ARHGAP27: variants seen among roughly 807,000 people sequenced by gnomAD.
ARHGAP27 encodes the protein Rho GTPase activating protein 27.
Under a neutral mutation model 102.0 loss-of-function variants are expected in ARHGAP27, and 53 were observed. That is an observed-to-expected ratio of 0.52 (90% confidence interval 0.42 to 0.65). The LOEUF is 0.65. ARHGAP27 is among the 30% of genes least tolerant of loss of function. The probability of loss-of-function intolerance (pLI) is 0.00; values close to 1 mark genes in which losing one functional copy is unlikely to be tolerated. For synonymous variants in ARHGAP27, 525 were observed against 542.8 expected, an observed-to-expected ratio of 0.97 and a Z score of 0.46; for missense variants, 1,117 against 1,256.2, an observed-to-expected ratio of 0.89 and a Z score of 1.68.
chr17:45,411,903 AGAGAG>A (rs2047956140), intron 4 of ARHGAP27, among the ~76,000 whole-genome samples: 1 of 152,314 alleles, frequency 6.6e-6, no homozygotes, highest in South Asian at 2.1e-4. Flanking sequence ...TGTAAATTCC[AGAGAG>A]GCCAGAAACT....
chr17:45,404,017 A>G lies in ARHGAP27; in HGVS notation c.1547+12T>C, dbSNP rs551141554. On this transcript the variant is annotated intron_variant, in intron 10 of 19. Transcript: ENST00000685559. ...CCACCCTGCCCCGGCCTGAGTGTAG[A>G]TGGGCTCTCACCGGAGCCGCTTTCC... 8 of 1,613,724 alleles carry G rather than the reference A, an allele frequency of 5.0e-6. No individual in the cohort carries two copies. Among genetic ancestry groups the G allele is most frequent in the South Asian group, 1.1e-5 (1 of 91,044 alleles).
At chr17:45,397,046 G>A (rs1359251807) in intron 13 of ARHGAP27, 22 bp from the exon 14 acceptor site, 42 of 1,600,356 alleles carry the variant, frequency 2.6e-5, no homozygotes, top group Non-Finnish European at 3.6e-5. Flanking sequence ...TAGCCTCAGA[G>A]AGGCGGGGCC....
At chr17:45,410,533 C>G in intron 4 of ARHGAP27, 2 of 901,932 alleles carry the variant, frequency 2.2e-6, no homozygotes, top group Non-Finnish European at 3.1e-6. Context: ...CTGGCTGCCC[C>G]ACTCAGTGCT....
At chr17:45,403,768 C>G (rs1362423341) in intron 10 of ARHGAP27, 59 bp from the exon 11 acceptor site, 2 of 1,405,144 alleles carry the variant, frequency 1.4e-6, no homozygotes, top group East Asian at 2.3e-5. Context: ...GGGCTGAGGG[C>G]CCCTCCTACC....
In ARHGAP27 at chr17:45,396,500, G is replaced by C; in HGVS notation, c.2160C>G (p.Ala720=). ...VPRFVQQCIR[A]VEARGLDIDG... ...CAGCGCACGTACCGCGGGCCTCGAC[G>C]GCGCGGATGCACTGCTGCACGAAGC... The change falls in exon 16 of 20, where the codon GCC becomes GCG. Residue 720 remains alanine, a synonymous_variant. Coordinates refer to ENST00000685559, the MANE Select transcript of ARHGAP27 (RefSeq NM_001282290.2). 6.5e-7 allele frequency: 1 copy of C among 1,550,060 alleles called. No individual in the cohort carries two copies. Among genetic ancestry groups the C allele is most frequent in the Non-Finnish European group, 8.7e-7 (1 of 1,153,558 alleles).
chr17:45,402,250 G>T (rs1026406736), intron 12 of ARHGAP27, among the ~76,000 whole-genome samples: 1 of 152,132 alleles, frequency 6.6e-6, no homozygotes, highest in African/African-American at 2.4e-5. Flanking sequence ...GGAGCCTCCT[G>T]TCTCTCTCAG....
chr17:45,405,769 G>A lies in ARHGAP27; in HGVS notation c.972C>T (p.Gly324=). The change falls in exon 5 of 20, where the codon GGC becomes GGT. Residue 324 remains glycine, a synonymous_variant. Transcript: ENST00000685559. The part of the protein sequence containing the change: ...RRVFFYNPLT[G]ETAWEDEAEN... ...CGGCCTCGTCCTCCCAGGCCGTCTC[G>A]CCCGTCAGCGGGTTGTAGAAGAACA... is the stretch of plus-strand genomic sequence containing the variant. The A allele has an allele frequency of 6.3e-7, 1 of 1,580,990 alleles. No individual in the cohort carries two copies. Among genetic ancestry groups the A allele is most frequent in the African/African-American group, 1.3e-5 (1 of 74,660 alleles).
intron 13 of ARHGAP27, 130 bp from the exon 14 acceptor site, chr17:45,397,154 C>G (rs1259509528): frequency 4.1e-6 from 6 of 1,466,494 alleles, no homozygotes; most frequent in Non-Finnish European, 5.4e-6. Context: ...GTCCTCTCTT[C>G]CCTTAACCAG....
chr17:45,426,011 C>T lies in ARHGAP27; in HGVS notation c.657+3612G>A, dbSNP rs544696608. On this transcript the variant is annotated intron_variant, in intron 4 of 19. Coordinates refer to ENST00000685559, the MANE Select transcript of ARHGAP27 (RefSeq NM_001282290.2). ...GTCCCTCCTGGGACATCAACTCTTC[C>T]ACAACAGGGCTGGGCACGCAGGACG... Among the ~76,000 whole-genome samples, 6 of 152,258 alleles carry T rather than the reference C, an allele frequency of 3.9e-5. No individual in the cohort carries two copies. The East Asian group carries it at 9.7e-4, about 25-fold the overall frequency.
In ARHGAP27 at chr17:45,396,771, G is replaced by A. The variant is rs769476480; in HGVS notation, c.1971C>T (p.Pro657=). Reference sequence around the variant, plus strand: ...TGCTCAAGTCGCTCTCCAGGCCCACGGGGCCCAGGGCGGGCGCGGCTGCCG... The same window carrying A: ...TGCTCAAGTCGCTCTCCAGGCCCACAGGGCCCAGGGCGGGCGCGGCTGCCG... ...RPNAAAPALG[P]VGLESDLSKV... is the part of the protein sequence containing the mutation. The change falls in exon 15 of 20, where the codon CCC becomes CCT. Residue 657 remains proline, a synonymous_variant. Transcript: ENST00000685559. The A allele has an allele frequency of 6.2e-7, 1 of 1,612,672 alleles. No homozygotes were observed. Among genetic ancestry groups the A allele is most frequent in the Non-Finnish European group, 8.5e-7 (1 of 1,179,320 alleles).
intron 4 of ARHGAP27, among the ~76,000 whole-genome samples, chr17:45,423,001 C>T (rs1429292801): frequency 2.0e-5 from 3 of 151,804 alleles, no homozygotes; most frequent in African/African-American, 7.3e-5. Flanking sequence ...GCCAACATGG[C>T]AAAATCACCT....
At chr17:45,402,533 A>T (rs1173934382) in intron 12 of ARHGAP27, among the ~76,000 whole-genome samples, 181 bp downstream of exon 12, 4 of 152,126 alleles carry the variant, frequency 2.6e-5, no homozygotes, top group Non-Finnish European at 5.9e-5. Context: ...AACTGCACCA[A>T]TATCACCTCT....
intron 4 of ARHGAP27, chr17:45,407,758 C>T (rs2047390847): frequency 6.6e-6 from 1 of 152,142 alleles, no homozygotes; most frequent in African/African-American, 2.4e-5. Context: ...AGGTGATCCG[C>T]CCACCAGGGC....
At chr17:45,410,755 G>A (rs868825710) in intron 4 of ARHGAP27, among the ~76,000 whole-genome samples, 2 of 152,016 alleles carry the variant, frequency 1.3e-5, no homozygotes, top group African/African-American at 4.8e-5. Context: ...CTCCTGGGGC[G>A]GAAACAGGAC....
chr17:45,415,432 C>T (rs901827539), intron 4 of ARHGAP27, among the ~76,000 whole-genome samples: 5 of 152,192 alleles, frequency 3.3e-5, no homozygotes, highest in African/African-American at 1.2e-4. Flanking sequence ...CTTGGGAGAG[C>T]CCAGCCCCAC....
At chr17:45,429,482 G>T in intron 4 of ARHGAP27, 141 bp downstream of exon 4, 1 of 1,493,124 alleles carries the variant, frequency 6.7e-7, no homozygotes, top group Non-Finnish European at 8.8e-7. Flanking sequence ...GTTGGGGAGA[G>T]GGAGCTCATC....
In ARHGAP27 at chr17:45,429,622, C is replaced by G; in HGVS notation, c.657+1G>C. 1 of 1,580,252 alleles carries G rather than the reference C, an allele frequency of 6.3e-7. No individual in the cohort carries two copies. Among genetic ancestry groups the G allele is most frequent in the Non-Finnish European group, 8.6e-7 (1 of 1,163,068 alleles). On this transcript the variant is annotated splice_donor_variant, in intron 4 of 19. Coordinates refer to ENST00000685559, the MANE Select transcript of ARHGAP27 (RefSeq NM_001282290.2). LOFTEE classifies it high-confidence loss of function. ...CCGCGCCCCAGCGCCCGGGGAGGTA[C>G]CTGCTCTGCGCTCTCCTCCGGCGGC...
intron 4 of ARHGAP27, chr17:45,409,278 A>T (rs2047607675): frequency 6.6e-6 from 1 of 152,314 alleles, no homozygotes; most frequent in Non-Finnish European, 1.5e-5. Flanking sequence ...TCTACTTGGC[A>T]GGCTGTGGGC....
At position 45,430,112 on chromosome 17, in the gene ARHGAP27, G is replaced by T; in HGVS notation, c.168C>A (p.Pro56=). 1 of 1,517,750 alleles carries T rather than the reference G, an allele frequency of 6.6e-7. No homozygotes were observed. Among genetic ancestry groups the T allele is most frequent in the Non-Finnish European group, 8.8e-7 (1 of 1,139,902 alleles). The allele number at this position is 1,517,750 out of a possible 1,614,324, so 94.0% of individuals were successfully genotyped here. The change falls in exon 4 of 20, where the codon CCC becomes CCA. Residue 56 remains proline, a synonymous_variant. Transcript: ENST00000685559. The surrounding 1 kb of genome is among the most constrained non-coding windows in gnomAD (Gnocchi z 4.4). ...GCACGTACTGCGCAGGCAGGTAGAAGGGGCGGCCGCCGGGCTCACGCCGCA... is the reference window on the plus strand; with the variant it reads ...GCACGTACTGCGCAGGCAGGTAGAATGGGCGGCCGCCGGGCTCACGCCGCA... ...WHVRREPGGR[P]FYLPAQYVRE...
Sources: gnomAD v4.1 joint callset for allele counts (sites outside exome capture counted in the v4.1 genomes callset) on GRCh38, gnomAD v4.1.1 for gene constraint, Gnocchi (gnomAD v3.1) non-coding constraint, MANE v1.5 for transcripts, NCBI Gene and HGNC (gene_info 2026-07-23, HGNC 2026-07-21) for gene names.